PCCA: variants seen among roughly 807,000 people sequenced by gnomAD.
PCCA encodes the protein propionyl-CoA carboxylase alpha chain, mitochondrial.
A neutral mutation model predicts 101.3 loss-of-function variants in PCCA; 74 were observed. The observed-to-expected ratio is 0.73, with a 90% CI of 0.61 to 0.89. The LOEUF (loss-of-function observed/expected upper bound fraction) is 0.89, where lower values mean the gene tolerates loss of function less well. Ranked by LOEUF, PCCA falls within the 40% of genes least tolerant of loss-of-function variation. The pLI is 0.00. For missense variants in PCCA, 891 were observed against 907.0 expected (o/e 0.98, Z 0.23); for synonymous variants, 294 against 313.6 (o/e 0.94, Z 0.66).
At chr13:100,259,984 C>T (rs1005007463) in intron 9 of PCCA, among the ~76,000 whole-genome samples, 1 of 152,086 alleles carries the variant, frequency 6.6e-6, no homozygotes, top group African/African-American at 2.4e-5. Flanking sequence ...AAACTTGCTG[C>T]TTATTTTATT....
intron 7 of PCCA, among the ~76,000 whole-genome samples, chr13:100,219,101 A>G (rs1168018006): frequency 6.6e-6 from 1 of 152,156 alleles, no homozygotes; most frequent in Non-Finnish European, 1.5e-5. Flanking sequence ...CAAACCCCTG[A>G]GCAGTGTATG....
chr13:100,432,220 G>A (rs1399215980), intron 20 of PCCA, among the ~76,000 whole-genome samples: 4 of 152,090 alleles, frequency 2.6e-5, no homozygotes, highest in African/African-American at 9.7e-5. Context: ...AATGATAGTC[G>A]TGCTTCTCTT....
chr13:100,341,755 C>T (rs896408108), intron 18 of PCCA, among the ~76,000 whole-genome samples: 2 of 151,714 alleles, frequency 1.3e-5, no homozygotes, highest in Non-Finnish European at 2.9e-5. Context: ...GTTATTTGGA[C>T]CTTGATTATT....
At chr13:100,092,402 A>C (rs913245003) in intron 1 of PCCA, among the ~76,000 whole-genome samples, 3 of 145,652 alleles carry the variant, frequency 2.1e-5, no homozygotes, top group Non-Finnish European at 3.0e-5. Context: ...TTTTTTTTTG[A>C]GATGGGGTCT....
At chr13:100,491,009 A>C (rs993967088) in intron 21 of PCCA, 3 of 152,228 alleles carry the variant, frequency 2.0e-5, no homozygotes, top group Admixed American at 1.3e-4. Flanking sequence ...CTGACGCCCT[A>C]GGTCTGGGAT....
At chr13:100,296,292 G>A (rs2065517451) in intron 12 of PCCA, among the ~76,000 whole-genome samples, 1 of 151,832 alleles carries the variant, frequency 6.6e-6, no homozygotes, top group African/African-American at 2.4e-5. Context: ...CCAGACTGGA[G>A]TGCAGTGGCT....
intron 20 of PCCA, among the ~76,000 whole-genome samples, chr13:100,447,859 C>T (rs930339640): frequency 4.6e-5 from 7 of 152,198 alleles, no homozygotes; most frequent in African/African-American, 1.7e-4. Context: ...TCTAACCTCC[C>T]TCCGTCAAGG....
intron 17 of PCCA, 63 bp from the exon 18 acceptor site, chr13:100,340,094 G>T: frequency 1.1e-6 from 1 of 903,704 alleles, no homozygotes; most frequent in Non-Finnish European, 1.9e-6. Context: ...AATTCTATAG[G>T]AGAGAAGCAC....
At chr13:100,360,807 T>C (rs1487808093) in intron 18 of PCCA, among the ~76,000 whole-genome samples, 3 of 152,166 alleles carry the variant, frequency 2.0e-5, no homozygotes, top group African/African-American at 7.2e-5. Context: ...TGCTCCTTGG[T>C]ATTTACCAAA....
At chr13:100,426,317 A>G (rs548628402) in intron 20 of PCCA, among the ~76,000 whole-genome samples, 10 of 152,200 alleles carry the variant, frequency 6.6e-5, no homozygotes, top group East Asian at 3.9e-4. Context: ...GATTCTGCCA[A>G]AATTCTTCAC....
At chr13:100,202,198 G>T (rs2058565243) in intron 6 of PCCA, among the ~76,000 whole-genome samples, 1 of 148,398 alleles carries the variant, frequency 6.7e-6, no homozygotes, top group Non-Finnish European at 1.5e-5. Flanking sequence ...ACTGGGCACA[G>T]CAGTACACAT....
chr13:100,336,573 A>G (rs1035453595), intron 17 of PCCA, among the ~76,000 whole-genome samples: 1 of 152,158 alleles, frequency 6.6e-6, no homozygotes, highest in Non-Finnish European at 1.5e-5. Flanking sequence ...TATCCCCCCA[A>G]AAGTTTAAGA....
At chr13:100,330,811 A>C (rs2069443230) in intron 17 of PCCA, 140 bp downstream of exon 17, 1 of 641,832 alleles carries the variant, frequency 1.6e-6, no homozygotes, top group Admixed American at 2.5e-5. Context: ...AAGACTGTTT[A>C]CATTCATGAT....
In PCCA at chr13:100,331,884, GA is replaced by G. The variant is rs36102435; in HGVS notation, c.1540+1225del. Among the ~76,000 whole-genome samples the G allele has an allele frequency of 9.4e-3, 1,289 of 136,700 alleles. 9 individuals are homozygous for G. The highest frequency in any genetic ancestry group is 0.039 in the East Asian group (184 of 4,666). The allele number at this position is 136,700 out of a possible 152,430, so 89.7% of individuals were successfully genotyped here. ...GGTACTAAGTATTTGTTGAATTAATGAAAAAAAAAAAATCTTAGCCATAATA... is the reference window on the plus strand; with the variant it reads ...GGTACTAAGTATTTGTTGAATTAATGAAAAAAAAAAATCTTAGCCATAATA... On this transcript the variant is annotated intron_variant, in intron 17 of 23. Coordinates refer to ENST00000376285, the MANE Select transcript of PCCA (RefSeq NM_000282.4).
intron 18 of PCCA, among the ~76,000 whole-genome samples, chr13:100,363,956 A>G (rs1213884852): frequency 6.6e-6 from 1 of 152,210 alleles, no homozygotes; most frequent in Non-Finnish European, 1.5e-5. Flanking sequence ...ACCATCAAAT[A>G]TAAAAAATTT....
intron 6 of PCCA, among the ~76,000 whole-genome samples, chr13:100,178,500 A>T (rs2056445492): frequency 6.6e-6 from 1 of 152,198 alleles, no homozygotes; most frequent in Non-Finnish European, 1.5e-5. Context: ...GACAAATCCC[A>T]AATGGGTTTT....
At chr13:100,425,378 G>T (rs556443995) in intron 19 of PCCA, among the ~76,000 whole-genome samples, 98 of 152,306 alleles carry the variant, frequency 6.4e-4, no homozygotes, top group African/African-American at 2.2e-3. Flanking sequence ...GAGTTAGAAG[G>T]CTGTTTGTTA....
At chr13:100,339,064 C>T (rs757338528) in intron 17 of PCCA, among the ~76,000 whole-genome samples, 47 of 151,800 alleles carry the variant, frequency 3.1e-4, no homozygotes, top group Non-Finnish European at 4.0e-4. Context: ...TACAAAAATC[C>T]ACAGAAGCTC....
chr13:100,309,569 A>G (rs189082988), intron 15 of PCCA, among the ~76,000 whole-genome samples: 23 of 152,232 alleles, frequency 1.5e-4, no homozygotes, highest in Admixed American at 1.4e-3. Flanking sequence ...TTTTTTCTGT[A>G]CTTACTTTTG....
Sources: allele counts gnomAD v4.1 joint callset (sites outside exome capture counted in the v4.1 genomes callset), GRCh38; gene constraint gnomAD v4.1.1; transcripts MANE v1.5; gene names NCBI Gene and HGNC (gene_info 2026-07-23, HGNC 2026-07-21).